The following SPOCK1 variants were observed in gnomAD, a reference collection of about 807,000 sequenced individuals.
SPOCK1 encodes testican-1.
SPOCK1 carries 23 observed loss-of-function variants against 55.3 expected under a neutral mutation model. That is an observed-to-expected ratio of 0.42 (90% CI 0.30 to 0.59). The LOEUF (loss-of-function observed/expected upper bound fraction) is 0.59, where lower values mean the gene tolerates loss of function less well. Among genes scored for constraint, SPOCK1 ranks in the 20% least tolerant of loss-of-function variants. The probability of loss-of-function intolerance (pLI) is 0.22; values close to 1 mark genes in which losing one functional copy is unlikely to be tolerated. For synonymous variants in SPOCK1, 226 were observed against 221.0 expected, an observed-to-expected ratio of 1.02 and a Z score of -0.20; for missense variants, 499 against 552.5, an observed-to-expected ratio of 0.90 and a Z score of 0.97.
At chr5:137,080,844 C>T (rs954815057) in intron 5 of SPOCK1, among the ~76,000 whole-genome samples, 9 of 152,150 alleles carry the variant, frequency 5.9e-5, no homozygotes, top group African/African-American at 1.4e-4. Flanking sequence ...CCAGAAGGCA[C>T]GGGTGAGATG....
At chr5:137,475,109 G>A (rs531906391) in intron 2 of SPOCK1, among the ~76,000 whole-genome samples, 6 of 152,214 alleles carry the variant, frequency 3.9e-5, no homozygotes, top group Non-Finnish European at 7.4e-5. Context: ...GAGACAAGGC[G>A]GCATGGCATC....
Position 137,279,680 on chromosome 5 carries a change from G to A in SPOCK1, c.187-12625C>T, listed in dbSNP as rs1194102579. On this transcript the variant is annotated intron_variant, in intron 2 of 10. Transcript: ENST00000394945. ...CTTTGCTCTGTGACTAGGAAACTCT[G>A]TAGCTACTGCAGCTGGCTGCCGGAG... Among the ~76,000 whole-genome samples the A allele has an allele frequency of 2.0e-5, 3 of 152,324 alleles. No homozygotes were observed. The East Asian group carries it at 5.8e-4, about 29-fold the overall frequency.
chr5:136,979,581 C>T, intron 9 of SPOCK1, 112 bp from the exon 10 acceptor site: 1 of 1,389,112 alleles, frequency 7.2e-7, no homozygotes, highest in East Asian at 2.3e-5. Flanking sequence ...GCTGCAGGGT[C>T]AGCAGCAGAG....
chr5:137,148,815 T>A (rs201074283), intron 3 of SPOCK1, among the ~76,000 whole-genome samples: 1 of 152,228 alleles, frequency 6.6e-6, no homozygotes, highest in East Asian at 1.9e-4. Context: ...TGGATTTTAA[T>A]CTTGGCGAGT....
chr5:137,315,422 C>A (rs867470889), intron 2 of SPOCK1, among the ~76,000 whole-genome samples: 1 of 152,180 alleles, frequency 6.6e-6, no homozygotes, highest in Non-Finnish European at 1.5e-5. Flanking sequence ...AACTTAGCAG[C>A]CTTGTGAAGC....
At chr5:137,463,940 T>G (rs1288112129) in intron 2 of SPOCK1, among the ~76,000 whole-genome samples, 1 of 151,678 alleles carries the variant, frequency 6.6e-6, no homozygotes, top group Non-Finnish European at 1.5e-5. Flanking sequence ...AGAGCAAGAT[T>G]CCATCTCAAA....
chr5:137,360,387 C>G (rs1330795976), intron 2 of SPOCK1, among the ~76,000 whole-genome samples: 1 of 152,152 alleles, frequency 6.6e-6, no homozygotes, highest in Non-Finnish European at 1.5e-5. Context: ...CTTGAGCATC[C>G]CTAAAGTCGC....
intron 2 of SPOCK1, among the ~76,000 whole-genome samples, chr5:137,436,540 T>C (rs552235355): frequency 2.0e-5 from 3 of 152,288 alleles, no homozygotes; most frequent in Middle Eastern, 3.4e-3. Flanking sequence ...GAAATGTAAA[T>C]CTCCTCTATT....
intron 2 of SPOCK1, among the ~76,000 whole-genome samples, chr5:137,357,941 C>T (rs139259821): frequency 1.3e-5 from 2 of 151,850 alleles, no homozygotes; most frequent in Admixed American, 1.3e-4. Context: ...TCCTAGGAAT[C>T]AAGAAATCAT....
intron 2 of SPOCK1, among the ~76,000 whole-genome samples, chr5:137,330,629 AAAC>A (rs1758156061): frequency 6.6e-6 from 1 of 152,254 alleles, no homozygotes; most frequent in Non-Finnish European, 1.5e-5. Context: ...ACATATTGAC[AAAC>A]TACTATGTGC....
rs1417016509 is a variant in SPOCK1, at chr5:136,985,152, TC to T, written c.978del (p.Ser328AlafsTer47). On this transcript the variant is annotated frameshift_variant, in exon 9 of 11. Coordinates refer to ENST00000394945, the MANE Select transcript of SPOCK1 (RefSeq NM_004598.4). LOFTEE classifies it high-confidence loss of function. ...AAATTGTACTTACCCAACAGGCTTTTCCCCTTACTCAGCTTCTGAATTCTGT... is the reference window on the plus strand; with the variant it reads ...AAATTGTACTTACCCAACAGGCTTTTCCCTTACTCAGCTTCTGAATTCTGT... ...EMNRIQKLSK[G>X]KSLLGAFIPR... 6.2e-7 allele frequency: 1 copy of T among 1,614,058 alleles called. No individual in the cohort carries two copies. The highest frequency in any genetic ancestry group is 8.5e-7 in the Non-Finnish European group (1 of 1,179,990).
At chr5:137,064,375 G>A (rs1366098556) in intron 6 of SPOCK1, among the ~76,000 whole-genome samples, 1 of 152,142 alleles carries the variant, frequency 6.6e-6, no homozygotes, top group African/African-American at 2.4e-5. Context: ...GTGTGTGTAT[G>A]TGTGCGTGTG....
chr5:137,492,320 T>C (rs531056844), intron 2 of SPOCK1, among the ~76,000 whole-genome samples: 41 of 152,230 alleles, frequency 2.7e-4, no homozygotes, highest in African/African-American at 9.6e-4. Flanking sequence ...GTTGGCACTA[T>C]CGAGAACATG....
At chr5:137,400,967 G>T (rs372021109) in intron 2 of SPOCK1, among the ~76,000 whole-genome samples, 1 of 145,046 alleles carries the variant, frequency 6.9e-6, no homozygotes, top group Non-Finnish European at 1.5e-5. Flanking sequence ...CCCCTCTCCC[G>T]CCCACCCCTT....
intron 2 of SPOCK1, among the ~76,000 whole-genome samples, chr5:137,348,119 G>A (rs1377756162): frequency 6.6e-6 from 1 of 152,166 alleles, no homozygotes; most frequent in African/African-American, 2.4e-5. Flanking sequence ...TGTTCACCGA[G>A]TATCCCTAGC....
chr5:137,067,613 T>C, intron 6 of SPOCK1, 102 bp downstream of exon 6: 1 of 968,772 alleles, frequency 1.0e-6, no homozygotes, highest in Non-Finnish European at 1.6e-6. Flanking sequence ...TCTGCTCATT[T>C]CTCCAGTTTG....
chr5:137,211,251 A>G (rs1561472919), intron 3 of SPOCK1, among the ~76,000 whole-genome samples: 1 of 152,176 alleles, frequency 6.6e-6, no homozygotes, highest in African/African-American at 2.4e-5. Flanking sequence ...TCAGAGTCAA[A>G]TAGATCTCAG....
At chr5:137,195,464 C>T (rs573763201) in intron 3 of SPOCK1, among the ~76,000 whole-genome samples, 4 of 152,362 alleles carry the variant, frequency 2.6e-5, no homozygotes, top group African/African-American at 9.6e-5. Flanking sequence ...AGCATGCAGG[C>T]AGCCATAAAA....
Position 137,043,332 on chromosome 5 carries a change from A to C in SPOCK1, c.589+24383T>G, listed in dbSNP as rs1752037343. Among the ~76,000 whole-genome samples, 2 of 152,226 alleles carry C rather than the reference A, an allele frequency of 1.3e-5. 1 individual carries two copies. Among genetic ancestry groups the C allele is most frequent in the Admixed American group, 1.3e-4 (2 of 15,280 alleles). On this transcript the variant is annotated intron_variant, in intron 6 of 10. Coordinates refer to ENST00000394945, the MANE Select transcript of SPOCK1 (RefSeq NM_004598.4). ...CTTTAAGAAACAAATAAATGGGGTAAAAGAGATAAATCTCTCATGTAAAAT... is the reference window on the plus strand; with the variant it reads ...CTTTAAGAAACAAATAAATGGGGTACAAGAGATAAATCTCTCATGTAAAAT...
Sources: gnomAD v4.1 joint callset for allele counts (sites outside exome capture counted in the v4.1 genomes callset) on GRCh38, gnomAD v4.1.1 for gene constraint, MANE v1.5 for transcripts, NCBI Gene and HGNC (gene_info 2026-07-23, HGNC 2026-07-21) for gene names.